Variants in TENM2 observed in about 807,000 individuals in gnomAD.
TENM2 encodes teneurin transmembrane protein 2.
A neutral mutation model predicts 245.2 loss-of-function variants in TENM2; 52 were observed. The observed-to-expected ratio is 0.21, with a 90% CI of 0.17 to 0.27. TENM2 has a LOEUF of 0.27. Ranked by LOEUF, TENM2 falls within the 10% of genes least tolerant of loss-of-function variation. The pLI is 1.00. For missense variants in TENM2, 3,046 were observed against 3,666.8 expected (o/e 0.83, Z 4.37); for synonymous variants, 1,363 against 1,438.9 (o/e 0.95, Z 1.19).
intron 2 of TENM2, among the ~76,000 whole-genome samples, chr5:167,437,919 G>T (rs1248859587): frequency 1.3e-5 from 2 of 152,104 alleles, no homozygotes; most frequent in East Asian, 1.9e-4. Flanking sequence ...CCTAATCTTG[G>T]ATATCGTTAT....
intron 2 of TENM2, among the ~76,000 whole-genome samples, chr5:167,832,059 AC>A (rs1189663606): frequency 6.6e-6 from 1 of 152,224 alleles, no homozygotes; most frequent in East Asian, 1.9e-4. Context: ...TCATTCAGGA[AC>A]AAAAATAATG....
the TENM2 span, among the ~76,000 whole-genome samples, chr5:167,076,344 TAAAAG>T: frequency 1.1e-3 from 170 of 152,266 alleles, 1 homozygote; most frequent in South Asian, 0.013. Flanking sequence ...AATATGAAGA[TAAAAG>T]AGAAAGACAG....
intron 2 of TENM2, among the ~76,000 whole-genome samples, chr5:167,556,790 T>A (rs1773287554): frequency 6.6e-6 from 1 of 152,154 alleles, no homozygotes. Context: ...CATGCAAGGC[T>A]CATTCACCAA....
chr5:167,179,554 T>C, the TENM2 span, among the ~76,000 whole-genome samples: 1 of 152,310 alleles, frequency 6.6e-6, no homozygotes, highest in East Asian at 1.9e-4. Flanking sequence ...ATAAGGCTTA[T>C]TGGTGGCGTA....
intron 2 of TENM2, among the ~76,000 whole-genome samples, chr5:167,571,502 T>C (rs1217557453): frequency 6.6e-6 from 1 of 152,100 alleles, no homozygotes; most frequent in East Asian, 1.9e-4. Context: ...TATAATCACC[T>C]AGCCCCCCAC....
At chr5:167,095,988 T>C in the TENM2 span, among the ~76,000 whole-genome samples, 1 of 152,098 alleles carries the variant, frequency 6.6e-6, no homozygotes, top group Non-Finnish European at 1.5e-5. Context: ...ACCAGGCTGG[T>C]CTTGAACTTC....
the TENM2 span, among the ~76,000 whole-genome samples, chr5:167,016,474 A>T: frequency 3.3e-5 from 5 of 152,258 alleles, no homozygotes; most frequent in Admixed American, 2.0e-4. Context: ...GAATACAATT[A>T]AAAAAAGAAT....
chr5:168,183,188 A>G (rs1760083741), intron 13 of TENM2, among the ~76,000 whole-genome samples: 1 of 152,196 alleles, frequency 6.6e-6, no homozygotes, highest in Non-Finnish European at 1.5e-5. Context: ...TGTAGGGTCA[A>G]TAAGATGCCC....
At chr5:167,026,982 C>T in the TENM2 span, among the ~76,000 whole-genome samples, 2 of 152,008 alleles carry the variant, frequency 1.3e-5, no homozygotes, top group Non-Finnish European at 2.9e-5. Context: ...CTAGCAAAGC[C>T]CTTGGGAAGC....
intron 3 of TENM2, among the ~76,000 whole-genome samples, chr5:167,885,570 A>G (rs1182645617): frequency 6.6e-6 from 1 of 152,240 alleles, no homozygotes; most frequent in Non-Finnish European, 1.5e-5. Flanking sequence ...ATGAAATAAG[A>G]TGACAAGAAG....
intron 4 of TENM2, among the ~76,000 whole-genome samples, chr5:167,981,952 C>G (rs891667943): frequency 2.8e-4 from 36 of 127,310 alleles, no homozygotes; most frequent in African/African-American, 1.1e-3. Flanking sequence ...CCAGCCTGGG[C>G]AACAAGAGTG....
intron 2 of TENM2, chr5:167,821,213 G>A (rs1362508647): frequency 6.6e-6 from 1 of 152,206 alleles, no homozygotes; most frequent in African/African-American, 2.4e-5. Flanking sequence ...GGCATTTGGG[G>A]TCTAGAAAAG....
intron 2 of TENM2, among the ~76,000 whole-genome samples, chr5:167,752,322 C>T (rs1234878555): frequency 6.7e-6 from 1 of 148,788 alleles, no homozygotes; most frequent in Non-Finnish European, 1.5e-5. Flanking sequence ...CCATGTTGGC[C>T]ATGCTGGTCT....
At chr5:167,603,016 G>A (rs1332652038) in intron 2 of TENM2, among the ~76,000 whole-genome samples, 1 of 152,158 alleles carries the variant, frequency 6.6e-6, no homozygotes, top group Non-Finnish European at 1.5e-5. Flanking sequence ...AATAAGAATT[G>A]TAAGATGGGT....
the TENM2 span, among the ~76,000 whole-genome samples, chr5:167,092,569 G>A: frequency 2.0e-5 from 3 of 152,154 alleles, no homozygotes; most frequent in Non-Finnish European, 4.4e-5. Context: ...CATGTTTTAT[G>A]TGGATCATCT....
intron 4 of TENM2, among the ~76,000 whole-genome samples, chr5:167,974,718 A>G (rs1782304714): frequency 6.6e-6 from 1 of 152,196 alleles, no homozygotes; most frequent in South Asian, 2.1e-4. Context: ...AGGTGAGGCA[A>G]CCAGGCTCTG....
intron 20 of TENM2, 54 bp from the exon 23 acceptor site, chr5:168,214,986 G>A: frequency 6.7e-7 from 1 of 1,497,164 alleles, no homozygotes; most frequent in Non-Finnish European, 9.3e-7. Flanking sequence ...TTTGATCTAG[G>A]AGGCCAGCTC....
chr5:167,401,377 C>T (rs1287715141), intron 2 of TENM2, among the ~76,000 whole-genome samples: 1 of 152,112 alleles, frequency 6.6e-6, no homozygotes, highest in African/African-American at 2.4e-5. Context: ...GGAGCTGATG[C>T]TTGGAATTCC....
intron 5 of TENM2, among the ~76,000 whole-genome samples, chr5:167,996,199 G>A (rs983853265): frequency 3.9e-5 from 6 of 152,092 alleles, no homozygotes; most frequent in South Asian, 2.1e-4. Context: ...GCCCGTGGGC[G>A]GGTGTAAAAG....
Sources: allele counts gnomAD v4.1 joint callset (sites outside exome capture counted in the v4.1 genomes callset), GRCh38; gene constraint gnomAD v4.1.1; transcripts MANE v1.5; gene names NCBI Gene and HGNC (gene_info 2026-07-23, HGNC 2026-07-21).